Variants in LRP1B observed in about 807,000 individuals in gnomAD.
The protein encoded by LRP1B is LDL receptor related protein 1B.
A neutral mutation model predicts 556.6 loss-of-function variants in LRP1B; 217 were observed. That is an observed-to-expected ratio of 0.39 (90% CI 0.35 to 0.44). The LOEUF (loss-of-function observed/expected upper bound fraction) is 0.44, where lower values mean the gene tolerates loss of function less well. LRP1B is among the 20% of genes least tolerant of loss of function. LRP1B has a pLI of 1.00. For missense variants in LRP1B, 5,053 were observed against 5,620.8 expected (o/e 0.90, Z 3.23); for synonymous variants, 2,047 against 1,865.8 (o/e 1.10, Z -2.50).
chr2:140,802,367 G>GA (rs1690546191), intron 32 of LRP1B, among the ~76,000 whole-genome samples: 1 of 152,166 alleles, frequency 6.6e-6, no homozygotes, highest in Non-Finnish European at 1.5e-5. Flanking sequence ...TTATATTGAT[G>GA]AAAAATCTTG....
At chr2:141,047,385 TTAAAG>T (rs1255443092) in intron 11 of LRP1B, among the ~76,000 whole-genome samples, 3 of 152,120 alleles carry the variant, frequency 2.0e-5, no homozygotes, top group Non-Finnish European at 4.4e-5. Context: ...CAGGTTTGAT[TTAAAG>T]TAAAGTTGTG....
intron 31 of LRP1B, among the ~76,000 whole-genome samples, chr2:140,837,550 A>G (rs909533351): frequency 6.6e-6 from 1 of 152,212 alleles, no homozygotes; most frequent in Non-Finnish European, 1.5e-5. Context: ...AAATATAATT[A>G]CTGACATAAA....
Position 141,569,335 on chromosome 2 carries a change from TA to T in LRP1B, c.206-88803del, listed in dbSNP as rs569458087. 6.0e-5 allele frequency among the ~76,000 whole-genome samples: 9 copies of T among 149,512 alleles called. 1 individual carries two copies. The highest frequency in any genetic ancestry group is 2.0e-4 in the East Asian group (1 of 5,124). On this transcript the variant is annotated intron_variant, in intron 2 of 90. Coordinates refer to ENST00000389484, the MANE Select transcript of LRP1B (RefSeq NM_018557.3). ...GGATTTTAAGCAGGCCCTAGAAATA[TA>T]AAAAAAAGGGCATTTTCAGAAAAGT...
At chr2:141,626,975 T>G (rs1688722729) in intron 2 of LRP1B, among the ~76,000 whole-genome samples, 1 of 152,216 alleles carries the variant, frequency 6.6e-6, no homozygotes, top group Non-Finnish European at 1.5e-5. Context: ...AAAACTTATG[T>G]GCACACAAAA....
chr2:141,750,505 G>A (rs913721896), intron 2 of LRP1B, among the ~76,000 whole-genome samples: 1 of 152,032 alleles, frequency 6.6e-6, no homozygotes, highest in African/African-American at 2.4e-5. Flanking sequence ...GGACTCCACC[G>A]CTAGTCCTTT....
At chr2:142,056,158 A>G (rs1389184128) in intron 1 of LRP1B, among the ~76,000 whole-genome samples, 2 of 152,148 alleles carry the variant, frequency 1.3e-5, no homozygotes, top group Non-Finnish European at 2.9e-5. Flanking sequence ...CTCAGAAAAA[A>G]TAAAAAATAA....
At chr2:141,131,059 A>G (rs1701337375) in intron 7 of LRP1B, among the ~76,000 whole-genome samples, 1 of 152,110 alleles carries the variant, frequency 6.6e-6, no homozygotes. Flanking sequence ...TGACGGGTTC[A>G]TAGGTGCAGC....
At chr2:141,175,982 T>C in intron 7 of LRP1B, among the ~76,000 whole-genome samples, 1 of 152,118 alleles carries the variant, frequency 6.6e-6, no homozygotes, top group Non-Finnish European at 1.5e-5. Context: ...CCCTGTGGGG[T>C]TTCTAACTCG....
At chr2:140,919,143 C>A (rs1303706951) in intron 21 of LRP1B, among the ~76,000 whole-genome samples, 1 of 151,900 alleles carries the variant, frequency 6.6e-6, no homozygotes, top group Non-Finnish European at 1.5e-5. Context: ...AGAAAGTTTT[C>A]TTCACATATG....
intron 2 of LRP1B, among the ~76,000 whole-genome samples, chr2:141,770,035 T>C (rs1044583754): frequency 8.5e-5 from 13 of 152,186 alleles, no homozygotes; most frequent in African/African-American, 2.9e-4. Flanking sequence ...AAGGACGGCA[T>C]GAGAGCGGGG....
chr2:141,663,959 A>G (rs1394733646), intron 2 of LRP1B, among the ~76,000 whole-genome samples: 1 of 151,778 alleles, frequency 6.6e-6, no homozygotes, highest in Non-Finnish European at 1.5e-5. Context: ...ACTTCAGGCT[A>G]TTATCCCTGA....
intron 1 of LRP1B, among the ~76,000 whole-genome samples, chr2:141,939,673 T>C (rs1369527): frequency 0.87 from 132,436 of 152,066 alleles, 57,767 homozygotes; most frequent in East Asian, 1. Flanking sequence ...TGTCATTTAC[T>C]TCTCTTGTAT....
chr2:140,640,110 C>T (rs1291358073), intron 41 of LRP1B, among the ~76,000 whole-genome samples: 1 of 151,706 alleles, frequency 6.6e-6, no homozygotes, highest in Non-Finnish European at 1.5e-5. Flanking sequence ...TCACGCCATT[C>T]TCCTGCCTCA....
chr2:140,487,372 G>T (rs1214679611), intron 58 of LRP1B, among the ~76,000 whole-genome samples: 1 of 151,736 alleles, frequency 6.6e-6, no homozygotes, highest in Non-Finnish European at 1.5e-5. Flanking sequence ...TGTGAATAAG[G>T]TTCCATATTT....
At position 141,735,973 on chromosome 2, in the gene LRP1B, C is replaced by T. The variant is rs190889972; in HGVS notation, c.205+74306G>A. ...GCATTAAATTATGTGATGGTTGAAA[C>T]AGATGATAGTTATACATGAGCTTCT... On this transcript the variant is annotated intron_variant, in intron 2 of 90. Coordinates refer to ENST00000389484, the MANE Select transcript of LRP1B (RefSeq NM_018557.3). Among the ~76,000 whole-genome samples, 4 of 152,216 alleles carry T rather than the reference C, an allele frequency of 2.6e-5. No homozygotes were observed. In the East Asian group the frequency reaches 5.8e-4, roughly 22 times the overall value.
chr2:140,692,822 C>G (rs1323594629), intron 41 of LRP1B, among the ~76,000 whole-genome samples: 1 of 151,864 alleles, frequency 6.6e-6, no homozygotes, highest in Non-Finnish European at 1.5e-5. Flanking sequence ...TAAACTTATA[C>G]TTCCTGATTT....
At chr2:141,072,696 A>G (rs796308565) in intron 7 of LRP1B, among the ~76,000 whole-genome samples, 4 of 151,912 alleles carry the variant, frequency 2.6e-5, no homozygotes, top group African/African-American at 9.7e-5. Flanking sequence ...TTTCTTTCTC[A>G]TTCCTTCTCC....
At chr2:141,941,609 G>C (rs1343498188) in intron 1 of LRP1B, among the ~76,000 whole-genome samples, 2 of 152,178 alleles carry the variant, frequency 1.3e-5, no homozygotes, top group Non-Finnish European at 2.9e-5. Flanking sequence ...TCCAGGCCCA[G>C]GTATCAGGAG....
intron 6 of LRP1B, among the ~76,000 whole-genome samples, chr2:141,217,993 T>A (rs1454824417): frequency 6.6e-6 from 1 of 152,100 alleles, no homozygotes; most frequent in Admixed American, 6.6e-5. Context: ...TCAACATCAC[T>A]AATAATCAGA....
Sources: gnomAD v4.1 joint callset for allele counts (sites outside exome capture counted in the v4.1 genomes callset) on GRCh38, gnomAD v4.1.1 for gene constraint, MANE v1.5 for transcripts, NCBI Gene and HGNC (gene_info 2026-07-23, HGNC 2026-07-21) for gene names.